The following CHD1L variants were observed in gnomAD, a reference collection of about 807,000 sequenced individuals.
CHD1L encodes chromodomain helicase DNA binding protein 1 like.
In CHD1L, 118 loss-of-function variants were observed where a neutral mutation model predicts 115.9. That is an observed-to-expected ratio of 1.02 (90% CI 0.88 to 1.19). The LOEUF (loss-of-function observed/expected upper bound fraction) is 1.19. Ranked by LOEUF, CHD1L falls within the 50% of genes most tolerant of loss-of-function variation. CHD1L has a pLI of 0.00. For missense variants in CHD1L, 1,179 were observed against 1,065.3 expected (o/e 1.11, Z -1.49); for synonymous variants, 411 against 387.1 (o/e 1.06, Z -0.72).
intron 12 of CHD1L, 173 bp downstream of exon 12, chr1:147,272,454 A>C: frequency 2.0e-6 from 1 of 512,002 alleles, no homozygotes; most frequent in Non-Finnish European, 3.4e-6. Context: ...CAGCCTGTCC[A>C]AACTGTCATC....
At chr1:147,215,417 G>T in the CHD1L span, 1 of 199,670 alleles carries the variant, frequency 5.0e-6, no homozygotes, top group Admixed American at 5.6e-5. Flanking sequence ...TGGAACCAGA[G>T]AGTTTTAAAG....
At chr1:147,250,315 C>G (rs1178479156) in intron 1 of CHD1L, among the ~76,000 whole-genome samples, 3 of 152,168 alleles carry the variant, frequency 2.0e-5, no homozygotes, top group Non-Finnish European at 4.4e-5. Flanking sequence ...GAATTGGAGC[C>G]AGGCATTTTT....
the CHD1L span, chr1:147,201,566 G>T: frequency 7.3e-7 from 1 of 1,368,008 alleles, no homozygotes; most frequent in Non-Finnish European, 1.0e-6. Flanking sequence ...TACCACATAA[G>T]TAAAATTTTG....
chr1:147,262,087 T>C (rs1672139554), intron 6 of CHD1L, among the ~76,000 whole-genome samples: 2 of 151,746 alleles, frequency 1.3e-5, no homozygotes, highest in South Asian at 4.2e-4. Context: ...TCCCAGCTAC[T>C]TGGGAGGCTG....
At chr1:147,233,192 C>G in the CHD1L span, among the ~76,000 whole-genome samples, 1 of 151,844 alleles carries the variant, frequency 6.6e-6, no homozygotes, top group Non-Finnish European at 1.5e-5. Flanking sequence ...CCAGCCGCCC[C>G]GTCTGAGAAG....
the CHD1L span, among the ~76,000 whole-genome samples, chr1:147,190,802 T>C: frequency 1.3e-5 from 2 of 152,018 alleles, no homozygotes. Context: ...CATTTAGCAT[T>C]AGGTATATCT....
At chr1:147,199,728 G>A in the CHD1L span, among the ~76,000 whole-genome samples, 1 of 152,160 alleles carries the variant, frequency 6.6e-6, no homozygotes, top group Non-Finnish European at 1.5e-5. Flanking sequence ...TTGACTACTT[G>A]TATAGTTCTC....
chr1:147,212,727 G>T, the CHD1L span, among the ~76,000 whole-genome samples: 1 of 151,986 alleles, frequency 6.6e-6, no homozygotes, highest in Non-Finnish European at 1.5e-5. Flanking sequence ...GTAGTACCTT[G>T]TGATTTCCTT....
the CHD1L span, among the ~76,000 whole-genome samples, chr1:147,235,619 A>C: frequency 6.6e-6 from 1 of 152,292 alleles, no homozygotes; most frequent in South Asian, 2.1e-4. Context: ...CAGAATAGGT[A>C]TGCTCATTTT....
At chr1:147,208,732 C>A in the CHD1L span, 2 of 788,508 alleles carry the variant, frequency 2.5e-6, no homozygotes, top group South Asian at 3.3e-5. Flanking sequence ...AGCCACCATG[C>A]CCAGCCACTG....
At chr1:147,176,861 T>C in the CHD1L span, among the ~76,000 whole-genome samples, 1 of 152,100 alleles carries the variant, frequency 6.6e-6, no homozygotes, top group African/African-American at 2.4e-5. Context: ...GGAGTAGGCA[T>C]GTGATCATTA....
intron 1 of CHD1L, 197 bp downstream of exon 1, chr1:147,243,027 G>A (rs1665283397): frequency 6.9e-6 from 4 of 577,824 alleles, no homozygotes; most frequent in Non-Finnish European, 1.0e-5. Context: ...CGCGGCGCGC[G>A]GGGCCGGCGG....
At chr1:147,203,511 T>C in the CHD1L span, 445 of 867,704 alleles carry the variant, frequency 5.1e-4, 1 homozygote, top group Non-Finnish European at 7.5e-4. Context: ...CTTCTTGAGG[T>C]ACTGCATAAA....
the CHD1L span, among the ~76,000 whole-genome samples, chr1:147,216,852 G>A: frequency 6.6e-6 from 1 of 152,200 alleles, no homozygotes. Context: ...TCAGAATTCA[G>A]ATGCTCATGC....
At chr1:147,291,081 G>A (rs1380133323) in intron 19 of CHD1L, among the ~76,000 whole-genome samples, 6 of 152,142 alleles carry the variant, frequency 3.9e-5, no homozygotes, top group South Asian at 2.1e-4. Context: ...TTTGGATGGG[G>A]TAGGAAAATA....
chr1:147,232,796 C>T, the CHD1L span, among the ~76,000 whole-genome samples: 4 of 152,222 alleles, frequency 2.6e-5, no homozygotes, highest in Non-Finnish European at 5.9e-5. Context: ...CTGGTTCACT[C>T]AGTGCTCAAT....
At chr1:147,238,447 C>T (rs1553930205), upstream of CHD1L, among the ~76,000 whole-genome samples, 1 of 152,228 alleles carries the variant, frequency 6.6e-6, no homozygotes, top group Non-Finnish European at 1.5e-5. Flanking sequence ...TCTGCACATG[C>T]TAAGTCCCAC....
the CHD1L span, among the ~76,000 whole-genome samples, chr1:147,194,251 C>T: frequency 1.3e-5 from 2 of 152,126 alleles, no homozygotes; most frequent in African/African-American, 4.8e-5. Flanking sequence ...GATCCCTTTA[C>T]CATTATTTAA....
At position 147,291,492 on chromosome 1, in the gene CHD1L, G is replaced by C. The variant is rs1452160882; in HGVS notation, c.2331G>C (p.Leu777Phe). The C allele has an allele frequency of 6.2e-7, 1 of 1,613,804 alleles. No individual in the cohort carries two copies. Among genetic ancestry groups the C allele is most frequent in the Non-Finnish European group, 8.5e-7 (1 of 1,179,774 alleles). The change falls in exon 20 of 23, where the codon TTG (leucine) becomes TTC (phenylalanine). Residue 777 changes from leucine to phenylalanine, a missense_variant. Coordinates refer to ENST00000369258, the MANE Select transcript of CHD1L (RefSeq NM_004284.6). ...ELAGKMKDLS[L>F]GGVLLFPVDD... ...TCTGTTTTACCTCAGACCTGAGTTT[G>C]GGAGGTGTCCTTTTATTTCCTGTTG... is the stretch of plus-strand genomic sequence containing the variant.
Sources: allele counts gnomAD v4.1 joint callset (sites outside exome capture counted in the v4.1 genomes callset), GRCh38; gene constraint gnomAD v4.1.1; transcripts MANE v1.5; gene names NCBI Gene and HGNC (gene_info 2026-07-23, HGNC 2026-07-21).